The following PMFBP1 variants were observed in gnomAD, a reference collection of about 807,000 sequenced individuals.
PMFBP1 encodes the protein polyamine-modulated factor 1-binding protein 1.
A neutral mutation model predicts 137.8 loss-of-function variants in PMFBP1; 131 were observed. The ratio of observed to expected loss-of-function variants is 0.95; its 90% CI spans 0.82 to 1.10. PMFBP1 has a LOEUF of 1.10. PMFBP1 is among the 50% of genes least tolerant of loss of function. The pLI, the probability that PMFBP1 is intolerant of heterozygous loss-of-function variation, is 0.00. For synonymous variants in PMFBP1, 490 were observed against 450.4 expected (o/e 1.09, Z -1.11); for missense variants, 1,199 against 1,175.4 (o/e 1.02, Z -0.29).
At chr16:72,175,936 T>A (rs2043257982), upstream of PMFBP1, among the ~76,000 whole-genome samples, 2 of 152,208 alleles carry the variant, frequency 1.3e-5, no homozygotes, top group African/African-American at 4.8e-5. Context: ...GGAGCCAATG[T>A]GCAGAGGCTT....
At chr16:72,120,821 C>T (rs1406890773) in intron 19 of PMFBP1, among the ~76,000 whole-genome samples, 1 of 152,140 alleles carries the variant, frequency 6.6e-6, no homozygotes, top group African/African-American at 2.4e-5. Flanking sequence ...GTTTTGAGAC[C>T]AGGGGCAAGT....
rs1171058416 is a variant in PMFBP1, at chr16:72,130,325, G to C, written c.1670C>G (p.Ser557Cys). 1.2e-6 allele frequency: 2 copies of C among 1,614,096 alleles called. No homozygotes were observed. The highest frequency in any genetic ancestry group is 1.3e-5 in the African/African-American group (1 of 74,920). Residue 557 changes from serine to cysteine, a missense_variant, in exon 12 of 21, where the codon TCT becomes TGT. Coordinates refer to ENST00000237353, the MANE Select transcript of PMFBP1 (RefSeq NM_031293.3). ...ATTTTCAAGCTTCCTCAGGGCTTCA[G>C]AGAGTTCTAATGACAGCTCCTCCAC... ...KRVEELSLEL[S>C]EALRKLENSD...
At chr16:72,202,802 T>G in the PMFBP1 span, among the ~76,000 whole-genome samples, 1 of 152,184 alleles carries the variant, frequency 6.6e-6, no homozygotes, top group Non-Finnish European at 1.5e-5. Flanking sequence ...CTAAGCAAAT[T>G]GCTCGGTTGA....
chr16:72,219,181 ATTG>A, the PMFBP1 span, among the ~76,000 whole-genome samples: 6 of 152,134 alleles, frequency 3.9e-5, no homozygotes, highest in Non-Finnish European at 8.8e-5. Flanking sequence ...TATACAACAT[ATTG>A]TTGTGTAGTC....
In PMFBP1 at chr16:72,171,168, CATGCATGTAGAGGAG is replaced by C; in HGVS notation, c.12+14_12+28del. 1 of 1,611,248 alleles carries C rather than the reference CATGCATGTAGAGGAG, an allele frequency of 6.2e-7. No individual in the cohort carries two copies. Among genetic ancestry groups the C allele is most frequent in the Non-Finnish European group, 8.5e-7 (1 of 1,177,728 alleles). The stretch of plus-strand genomic sequence containing the variant: ...GTCCCTTGTAATGAATATTCAACTC[CATGCATGTAGAGGAG>C]TTAGGAGCCTTACCTCATCTTTCAT... On this transcript the variant is annotated intron_variant, in intron 2 of 20. Transcript: ENST00000237353.
At chr16:72,209,812 T>G in the PMFBP1 span, among the ~76,000 whole-genome samples, 1 of 152,276 alleles carries the variant, frequency 6.6e-6, no homozygotes, top group South Asian at 2.1e-4. Context: ...CAATGAACTC[T>G]CCTGGCTATT....
rs764083413 is a variant in PMFBP1 at position 72,139,326 on chromosome 16, G to C, written c.881C>G (p.Pro294Arg). Residue 294 changes from proline to arginine, a missense_variant, in exon 7 of 21, where the codon CCT becomes CGT. Coordinates refer to ENST00000237353, the MANE Select transcript of PMFBP1 (RefSeq NM_031293.3). Reference sequence around the variant, plus strand: ...TTCACACTCTTCTGAGGAGCTAGGAGGGTATCTGTGGGTGGCTGTACAGGA... The same window carrying C: ...TTCACACTCTTCTGAGGAGCTAGGACGGTATCTGTGGGTGGCTGTACAGGA... Reference protein sequence around the residue: ...FASCTATHRYPPSSSEECEDI... With the variant: ...FASCTATHRYRPSSSEECEDI... The C allele has an allele frequency of 1.1e-5, 17 of 1,614,148 alleles. No homozygotes were observed. The highest frequency in any genetic ancestry group is 1.4e-5 in the Non-Finnish European group (17 of 1,179,988).
rs746686168 is a variant in PMFBP1 at position 72,136,492 on chromosome 16, G to T, written c.1159C>A (p.Leu387Met). Residue 387 changes from leucine (L) to methionine (M), a missense_variant, in exon 9 of 21, where the codon CTG becomes ATG. Leu to Met is a conservative substitution (Grantham distance 15, BLOSUM62 2). Transcript: ENST00000237353. ...AGCTTTTGGGTCTCGGTGAACTCCA[G>T]CTGCAGCTCCTGCAGCCGGCACTGC... ...ILQCRLQELQLEFTETQKLTL... is the reference protein window; with the variant it reads ...ILQCRLQELQMEFTETQKLTL... The T allele has an allele frequency of 6.2e-7, 1 of 1,613,850 alleles. No individual in the cohort carries two copies. Among genetic ancestry groups the T allele is most frequent in the Non-Finnish European group, 8.5e-7 (1 of 1,179,918 alleles).
At chr16:72,178,762 C>T (rs1210508534), upstream of PMFBP1, among the ~76,000 whole-genome samples, 1 of 152,178 alleles carries the variant, frequency 6.6e-6, no homozygotes, top group Admixed American at 6.5e-5. Flanking sequence ...TCATCTTATA[C>T]TTTTCCCTGC....
chr16:72,160,520 C>T (rs932113551), intron 3 of PMFBP1, among the ~76,000 whole-genome samples: 3 of 152,134 alleles, frequency 2.0e-5, no homozygotes, highest in African/African-American at 7.2e-5. Context: ...CCATTTTATT[C>T]CCTGTTCTAG....
intron 9 of PMFBP1, among the ~76,000 whole-genome samples, chr16:72,135,776 T>A (rs2042621174): frequency 7.5e-6 from 1 of 133,742 alleles, no homozygotes. Context: ...AGACAGGGTC[T>A]CATTCTAGTG....
At chr16:72,244,073 G>A in the PMFBP1 span, among the ~76,000 whole-genome samples, 1 of 152,146 alleles carries the variant, frequency 6.6e-6, no homozygotes, top group African/African-American at 2.4e-5. Context: ...AGCTGAGGCT[G>A]AAACACAAAC....
chr16:72,205,306 G>C, the PMFBP1 span, among the ~76,000 whole-genome samples: 1 of 152,248 alleles, frequency 6.6e-6, no homozygotes, highest in Non-Finnish European at 1.5e-5. Context: ...GCAGCACGTC[G>C]CTAGAAGGGC....
intron 17 of PMFBP1, 64 bp from the exon 18 acceptor site, chr16:72,123,713 C>T (rs762747761): frequency 6.7e-5 from 94 of 1,405,900 alleles, no homozygotes; most frequent in East Asian, 3.0e-4. Flanking sequence ...GCCCTCCTTC[C>T]GAGTCAGGCC....
At chr16:72,144,312 T>A (rs1023905602) in intron 5 of PMFBP1, among the ~76,000 whole-genome samples, 1 of 151,762 alleles carries the variant, frequency 6.6e-6, no homozygotes, top group Non-Finnish European at 1.5e-5. Flanking sequence ...AATAAAAAAA[T>A]GGCCAAGAAA....
At chr16:72,219,505 C>T in the PMFBP1 span, among the ~76,000 whole-genome samples, 2 of 151,900 alleles carry the variant, frequency 1.3e-5, no homozygotes, top group Non-Finnish European at 2.9e-5. Flanking sequence ...GGATGGGGCC[C>T]GGCAGAAGAC....
At chr16:72,170,576 C>G (rs980502547) in intron 2 of PMFBP1, among the ~76,000 whole-genome samples, 2 of 152,058 alleles carry the variant, frequency 1.3e-5, no homozygotes, top group Non-Finnish European at 2.9e-5. Context: ...ACCAAAAGAG[C>G]GTGCCACCAC....
chr16:72,142,690 A>G (rs1396760072), intron 5 of PMFBP1, among the ~76,000 whole-genome samples: 2 of 152,262 alleles, frequency 1.3e-5, no homozygotes, highest in Non-Finnish European at 2.9e-5. Context: ...AGAAGGAATT[A>G]TTTACAGCAA....
chr16:72,126,154 C>T, intron 14 of PMFBP1, 22 bp from the exon 15 acceptor site: 1 of 1,611,916 alleles, frequency 6.2e-7, no homozygotes, highest in Non-Finnish European at 8.5e-7. Flanking sequence ...GAGAGCAGAA[C>T]TGTCAGGGTG....
Sources: allele counts gnomAD v4.1 joint callset (sites outside exome capture counted in the v4.1 genomes callset), GRCh38; gene constraint gnomAD v4.1.1; transcripts MANE v1.5; gene names NCBI Gene and HGNC (gene_info 2026-07-23, HGNC 2026-07-21).